Variants in TRIP13 observed in about 807,000 individuals in gnomAD.
The protein encoded by TRIP13 is pachytene checkpoint protein 2 homolog.
TRIP13 carries 25 observed loss-of-function variants against 54.4 expected under a neutral mutation model. The observed-to-expected ratio is 0.46, with a 90% CI of 0.33 to 0.64. The LOEUF (loss-of-function observed/expected upper bound fraction) is 0.64. Among genes scored for constraint, TRIP13 ranks in the 30% least tolerant of loss-of-function variants. The pLI, the probability that TRIP13 is intolerant of heterozygous loss-of-function variation, is 0.02. For missense variants in TRIP13, 373 were observed against 534.2 expected, an observed-to-expected ratio of 0.70 and a Z score of 2.97; for synonymous variants, 207 against 207.8, an observed-to-expected ratio of 1.00 and a Z score of 0.03.
At chr5:900,832 G>C (rs770251043) in intron 4 of TRIP13, among the ~76,000 whole-genome samples, 1 of 152,126 alleles carries the variant, frequency 6.6e-6, no homozygotes. Context: ...AGCCTGGTCC[G>C]CACAAAGGAA....
rs1184182328 is a variant in TRIP13, at chr5:907,660, G to A, written c.673-328G>A. On this transcript the variant is annotated intron_variant, in intron 7 of 12. Coordinates refer to ENST00000166345, the MANE Select transcript of TRIP13 (RefSeq NM_004237.4). This position sits in a 1 kb window ranked among gnomAD's most constrained non-coding sequence, Gnocchi z 4.1. ...GCCTGTGAGGAGTGCATCCCAGCCT[G>A]TTTGCATCTGTGGTCTGCCTCTTTT... Among the ~76,000 whole-genome samples, 1 of 152,246 alleles carries A rather than the reference G, an allele frequency of 6.6e-6. No homozygotes were observed. The highest frequency in any genetic ancestry group is 1.5e-5 in the Non-Finnish European group (1 of 68,032).
intron 5 of TRIP13, among the ~76,000 whole-genome samples, chr5:902,069 T>G (rs1285664620): frequency 2.6e-5 from 4 of 152,362 alleles, no homozygotes; most frequent in Middle Eastern, 3.4e-3. Flanking sequence ...AAAGCTTAAC[T>G]TATAAATTAG....
In TRIP13 at chr5:903,480, ATATC is replaced by A. The variant is rs1443309075; in HGVS notation, c.536-665_536-662del. 6.6e-5 allele frequency among the ~76,000 whole-genome samples: 10 copies of A among 152,162 alleles called. No individual in the cohort carries two copies. In the South Asian group the frequency reaches 8.3e-4, roughly 13 times the overall value. On this transcript the variant is annotated intron_variant, in intron 5 of 12. Coordinates refer to ENST00000166345, the MANE Select transcript of TRIP13 (RefSeq NM_004237.4). ...TCATATATAATCATATCTAAGATCTATATCTAGTATAATTATTCTTATTTTATTT... is the reference window on the plus strand; with the variant it reads ...TCATATATAATCATATCTAAGATCTATAGTATAATTATTCTTATTTTATTT...
rs1754152102 is a variant in TRIP13, at chr5:907,984, C to G, written c.673-4C>G. On this transcript the variant is annotated splice_region_variant and splice_polypyrimidine_tract_variant and intron_variant, in intron 7 of 12. Transcript: ENST00000166345. This position sits in a 1 kb window ranked among gnomAD's most constrained non-coding sequence, Gnocchi z 4.1. ...TTGACACTAAAAGGGTGTTTGGGTT[C>G]CAGAGTGGCAAGCTGGTAACCAAGA... 2 of 1,614,038 alleles carry G rather than the reference C, an allele frequency of 1.2e-6. No individual in the cohort carries two copies. The highest frequency in any genetic ancestry group is 3.3e-5 in the Admixed American group (2 of 60,008).
chr5:916,890 T>C lies in TRIP13; in HGVS notation c.1204-118T>C, dbSNP rs1388307514. Reference sequence around the variant, plus strand: ...TGGTGCGCACTCACTGCTCACCTTATCAGCTACCACCCCCTTCTGTGCTAT... The same window carrying C: ...TGGTGCGCACTCACTGCTCACCTTACCAGCTACCACCCCCTTCTGTGCTAT... On this transcript the variant is annotated intron_variant, in intron 12 of 12. Coordinates refer to ENST00000166345, the MANE Select transcript of TRIP13 (RefSeq NM_004237.4). 3.8e-6 allele frequency: 3 copies of C among 780,316 alleles called. No homozygotes were observed. The African/African-American group carries it at 5.3e-5, about 14-fold the overall frequency. The allele number at this position is 780,316 out of a possible 1,614,324, so 48.3% of individuals were successfully genotyped here. A position where few individuals can be genotyped will look rare whatever the true frequency, so the allele number is the denominator to read the frequency against.
downstream of TRIP13, chr5:918,162 T>C (rs1370395288): frequency 6.6e-6 from 1 of 152,244 alleles, no homozygotes; most frequent in Non-Finnish European, 1.5e-5. This position sits in a 1 kb window ranked among gnomAD's most constrained non-coding sequence, Gnocchi z 4.3. Context: ...ATGGTGTAAC[T>C]GCATCATCCA....
intron 11 of TRIP13, among the ~76,000 whole-genome samples, chr5:914,790 T>G (rs759794156): frequency 6.6e-6 from 1 of 151,574 alleles, no homozygotes; most frequent in Non-Finnish European, 1.5e-5. Context: ...AAAGGAGATG[T>G]AACCCTTGCT....
chr5:914,405 C>A (rs769722997), intron 10 of TRIP13, 60 bp from the exon 11 acceptor site: 4 of 1,192,852 alleles, frequency 3.4e-6, no homozygotes, highest in Non-Finnish European at 4.9e-6. Flanking sequence ...CTCTTGCTGA[C>A]GGTGCCTACG....
intron 3 of TRIP13, among the ~76,000 whole-genome samples, chr5:900,208 A>G (rs1284489124): frequency 6.6e-6 from 1 of 152,266 alleles, no homozygotes; most frequent in East Asian, 1.9e-4. Flanking sequence ...GTTTTTTTAA[A>G]AGACAATTGT....
chr5:894,834 A>T lies in TRIP13; in HGVS notation c.140A>T (p.Asn47Ile). 1.2e-6 allele frequency: 2 copies of T among 1,613,518 alleles called. No individual in the cohort carries two copies. The highest frequency in any genetic ancestry group is 1.7e-6 in the Non-Finnish European group (2 of 1,179,832). The change falls in exon 2 of 13, where the codon AAC becomes ATC. Residue 47 changes from asparagine to isoleucine, a missense_variant. Coordinates refer to ENST00000166345, the MANE Select transcript of TRIP13 (RefSeq NM_004237.4). The stretch of plus-strand genomic sequence containing the variant: ...AACCTGAGTGTTAGAAAGCTACTCA[A>T]CAGACATAATATTGTGTTTGGTGAT... ...DINLSVRKLL[N>I]RHNIVFGDYT...
chr5:914,671 C>T, intron 11 of TRIP13, 94 bp downstream of exon 11: 1 of 998,264 alleles, frequency 1.0e-6, no homozygotes, highest in Non-Finnish European at 1.6e-6. Context: ...AGGGAGGGCC[C>T]TGGGTGTGAA....
chr5:901,517 CG>C, intron 5 of TRIP13, 86 bp downstream of exon 5: 1 of 1,322,550 alleles, frequency 7.6e-7, no homozygotes, highest in Non-Finnish European at 1.1e-6. Context: ...CAAGGAGTTA[CG>C]GCTCTTTGTT....
Position 907,229 on chromosome 5 carries a change from G to A in TRIP13, c.672+36G>A. The A allele has an allele frequency of 6.4e-7, 1 of 1,567,978 alleles. No homozygotes were observed. The highest frequency in any genetic ancestry group is 8.8e-7 in the Non-Finnish European group (1 of 1,139,658). On this transcript the variant is annotated intron_variant, in intron 7 of 12. Transcript: ENST00000166345. The surrounding 1 kb of genome is among the most constrained non-coding windows in gnomAD (Gnocchi z 4.1). ...AATATTAATTCTAATTGTCTGGATTGTATAGCTGAAAAAATGTCTTGTATG... is the reference window on the plus strand; with the variant it reads ...AATATTAATTCTAATTGTCTGGATTATATAGCTGAAAAAATGTCTTGTATG...
Position 907,452 on chromosome 5 carries a change from C to T in TRIP13, c.672+259C>T, listed in dbSNP as rs530536323. On this transcript the variant is annotated intron_variant, in intron 7 of 12. Coordinates refer to ENST00000166345, the MANE Select transcript of TRIP13 (RefSeq NM_004237.4). The surrounding 1 kb of genome is among the most constrained non-coding windows in gnomAD (Gnocchi z 4.1). The stretch of plus-strand genomic sequence containing the variant: ...AAGGGCAGGGCTGGCACTCAGGGGA[C>T]TGCAGCCCTGCCATGCATGTCCTTG... Among the ~76,000 whole-genome samples, 4 of 152,318 alleles carry T rather than the reference C, an allele frequency of 2.6e-5. No homozygotes were observed. Among genetic ancestry groups the T allele is most frequent in the Admixed American group, 6.5e-5 (1 of 15,308 alleles).
In TRIP13 at chr5:912,598, GGTGA is replaced by G. The variant is rs1754261418; in HGVS notation, c.1020+606_1020+609del. On this transcript the variant is annotated intron_variant, in intron 10 of 12. Coordinates refer to ENST00000166345, the MANE Select transcript of TRIP13 (RefSeq NM_004237.4). The surrounding 1 kb of genome is among the most constrained non-coding windows in gnomAD (Gnocchi z 7.2). ...CGTCGCCACGGGCACAGTGACGTGC[GGTGA>G]GTGTGAGTCAGGAGGGCCGTCGCCA... 1.3e-5 allele frequency among the ~76,000 whole-genome samples: 2 copies of G among 150,550 alleles called. No individual in the cohort carries two copies. Among genetic ancestry groups the G allele is most frequent in the Admixed American group, 1.3e-4 (2 of 15,150 alleles).
intron 9 of TRIP13, among the ~76,000 whole-genome samples, chr5:910,609 G>T (rs1292973350): frequency 1.3e-5 from 2 of 152,150 alleles, no homozygotes; most frequent in Non-Finnish European, 2.9e-5. Context: ...GTCACAAGGG[G>T]GTGTGGCTCA....
chr5:905,247 C>T (rs879272432), intron 6 of TRIP13, among the ~76,000 whole-genome samples: 1 of 152,130 alleles, frequency 6.6e-6, no homozygotes, highest in African/African-American at 2.4e-5. Flanking sequence ...GGGCACTCTC[C>T]ACTCTGGCGG....
Position 892,894 on chromosome 5 carries a change from C to A in TRIP13, c.-105C>A, listed in dbSNP as rs1041535849. The A allele has an allele frequency of 8.3e-7, 1 of 1,206,802 alleles. No homozygotes were observed. Among genetic ancestry groups the A allele is most frequent in the Non-Finnish European group, 1.1e-6 (1 of 913,734 alleles). The allele number at this position is 1,206,802 out of a possible 1,614,324, so 74.8% of individuals were successfully genotyped here. On this transcript the variant is annotated 5_prime_UTR_variant, in exon 1 of 13. Coordinates refer to ENST00000166345, the MANE Select transcript of TRIP13 (RefSeq NM_004237.4). ...TGCGCCTCGCGCGGCAGATTCGAAGCTAGGGCGGGGCCCGCGGGCTGAGGC... is the reference window on the plus strand; with the variant it reads ...TGCGCCTCGCGCGGCAGATTCGAAGATAGGGCGGGGCCCGCGGGCTGAGGC...
intron 10 of TRIP13, among the ~76,000 whole-genome samples, chr5:914,206 GA>G (rs1232932016): frequency 1.3e-5 from 2 of 152,148 alleles, no homozygotes; most frequent in Non-Finnish European, 2.9e-5. Context: ...AAACACAGAA[GA>G]GGCTATGTTG....
Sources: allele counts gnomAD v4.1 joint callset (sites outside exome capture counted in the v4.1 genomes callset), GRCh38; gene constraint gnomAD v4.1.1; non-coding constraint Gnocchi (gnomAD v3.1); transcripts MANE v1.5; gene names NCBI Gene and HGNC (gene_info 2026-07-23, HGNC 2026-07-21).